The following ZFYVE28 variants were observed in gnomAD, a reference collection of about 807,000 sequenced individuals.
ZFYVE28 encodes zinc finger FYVE-type containing 28, also known as lateral signaling target protein 2 homolog.
A neutral mutation model predicts 82.1 loss-of-function variants in ZFYVE28; 40 were observed. The observed-to-expected ratio is 0.49, with a 90% CI of 0.38 to 0.63. The LOEUF is 0.63. Ranked by LOEUF, ZFYVE28 falls within the 30% of genes least tolerant of loss-of-function variation. ZFYVE28 has a pLI of 0.00. For synonymous variants in ZFYVE28, 612 were observed against 546.1 expected (o/e 1.12, Z -1.68); for missense variants, 1,321 against 1,242.1 (o/e 1.06, Z -0.96).
chr4:2,364,851 A>G, intron 1 of ZFYVE28: 1 of 985,486 alleles, frequency 1.0e-6, no homozygotes, highest in East Asian at 1.1e-4. Flanking sequence ...TAAAACCCCC[A>G]CGTCGCCGCG....
rs539042886 is a variant in ZFYVE28 at position 2,359,807 on chromosome 4, G to A, written c.40-5734C>T. Among the ~76,000 whole-genome samples, 276 of 152,280 alleles carry A rather than the reference G, an allele frequency of 1.8e-3. 1 individual carries two copies. The highest frequency in any genetic ancestry group is 2.9e-3 in the Admixed American group (44 of 15,302). ...CTGCAGTGCCATGCAGGAGGGCCTG[G>A]GAGCCCTGACATCCACTTAGCAAAC... On this transcript the variant is annotated intron_variant, in intron 1 of 12. Transcript: ENST00000290974.
intron 8 of ZFYVE28, among the ~76,000 whole-genome samples, chr4:2,277,349 G>A (rs542946888): frequency 1.1e-4 from 17 of 152,258 alleles, no homozygotes; most frequent in African/African-American, 1.7e-4. Context: ...GCGTGGCGGC[G>A]TGTGCCTGTA....
At chr4:2,272,212 T>C (rs1324074726) in intron 10 of ZFYVE28, among the ~76,000 whole-genome samples, 1 of 152,188 alleles carries the variant, frequency 6.6e-6, no homozygotes, top group Admixed American at 6.5e-5. Context: ...CAGAGCTGGG[T>C]CGGCACATGG....
chr4:2,327,726 T>C (rs996341420), intron 6 of ZFYVE28, among the ~76,000 whole-genome samples: 1 of 152,218 alleles, frequency 6.6e-6, no homozygotes, highest in Admixed American at 6.5e-5. Context: ...ATTAATGTGA[T>C]GTATCACAAT....
chr4:2,307,100 T>C (rs1272841521), intron 7 of ZFYVE28: 2 of 152,190 alleles, frequency 1.3e-5, no homozygotes, highest in African/African-American at 2.4e-5. Flanking sequence ...TCCTTCCTGG[T>C]GAGTGAGTAA....
intron 1 of ZFYVE28, among the ~76,000 whole-genome samples, chr4:2,405,135 G>C (rs1006703767): frequency 2.0e-5 from 3 of 152,198 alleles, no homozygotes; most frequent in African/African-American, 7.2e-5. Context: ...CATATCCTTG[G>C]ATAGTTCCAA....
chr4:2,347,801 C>T lies in ZFYVE28; in HGVS notation c.180+6132G>A, dbSNP rs78729193. Among the ~76,000 whole-genome samples, 959 of 152,058 alleles carry T rather than the reference C, an allele frequency of 6.3e-3. 7 individuals carry two copies. The highest frequency in any genetic ancestry group is 0.021 in the African/African-American group (879 of 41,498). ...CAGAGAAATTTAAACCACTAAATAC[C>T]TAAATTAGAAAAGAAGAAAGGCATT... On this transcript the variant is annotated intron_variant, in intron 2 of 12. Coordinates refer to ENST00000290974, the MANE Select transcript of ZFYVE28 (RefSeq NM_020972.3).
chr4:2,398,986 GCGAGA>G (rs1730816308), intron 1 of ZFYVE28, among the ~76,000 whole-genome samples: 1 of 149,190 alleles, frequency 6.7e-6, no homozygotes, highest in Admixed American at 6.7e-5. Context: ...AAGGTCAGTG[GCGAGA>G]TTGAGGGCAC....
At chr4:2,400,708 G>A (rs1731081776) in intron 1 of ZFYVE28, among the ~76,000 whole-genome samples, 1 of 152,138 alleles carries the variant, frequency 6.6e-6, no homozygotes, top group Non-Finnish European at 1.5e-5. Flanking sequence ...ATCCAGCACA[G>A]GAGAAAGCTG....
intron 8 of ZFYVE28, among the ~76,000 whole-genome samples, chr4:2,284,673 G>T (rs1712459597): frequency 6.6e-6 from 1 of 152,158 alleles, no homozygotes; most frequent in African/African-American, 2.4e-5. Context: ...TCCTCTTATG[G>T]TGCCTCACAA....
At chr4:2,292,447 T>C (rs1430717020) in intron 8 of ZFYVE28, among the ~76,000 whole-genome samples, 1 of 152,082 alleles carries the variant, frequency 6.6e-6, no homozygotes. Context: ...GGTCCCCTGG[T>C]TTGGCATGGA....
chr4:2,284,409 GGGA>G (rs1429367676), intron 8 of ZFYVE28, among the ~76,000 whole-genome samples: 7 of 152,186 alleles, frequency 4.6e-5, no homozygotes, highest in African/African-American at 1.4e-4. Flanking sequence ...GACCATGATG[GGGA>G]GGAGGAGAGC....
intron 1 of ZFYVE28, among the ~76,000 whole-genome samples, chr4:2,406,246 C>T (rs1731900854): frequency 6.6e-6 from 1 of 151,654 alleles, no homozygotes; most frequent in Non-Finnish European, 1.5e-5. Context: ...GTGGTGCACA[C>T]CTGTAATCCC....
At chr4:2,309,600 A>T (rs1560183783) in intron 7 of ZFYVE28, among the ~76,000 whole-genome samples, 2 of 151,844 alleles carry the variant, frequency 1.3e-5, no homozygotes, top group African/African-American at 4.8e-5. Context: ...TTAGTCCTTC[A>T]TTTCCAATGC....
chr4:2,385,741 A>T (rs2108919107), intron 1 of ZFYVE28, among the ~76,000 whole-genome samples: 1 of 152,272 alleles, frequency 6.6e-6, no homozygotes, highest in Admixed American at 6.5e-5. Context: ...AAACAAAAAA[A>T]ACAAAAAACA....
chr4:2,277,014 A>C (rs906166857), intron 8 of ZFYVE28, among the ~76,000 whole-genome samples: 1 of 152,188 alleles, frequency 6.6e-6, no homozygotes, highest in Admixed American at 6.5e-5. Context: ...GAATTGGGGC[A>C]GGGAGAGAGC....
At chr4:2,374,474 G>C (rs1578302116) in intron 1 of ZFYVE28, among the ~76,000 whole-genome samples, 4 of 152,098 alleles carry the variant, frequency 2.6e-5, no homozygotes, top group African/African-American at 9.7e-5. Flanking sequence ...TTAGCTGGAT[G>C]TAATAATGCA....
intron 1 of ZFYVE28, among the ~76,000 whole-genome samples, chr4:2,387,648 G>A (rs116262451): frequency 0.012 from 1,804 of 152,282 alleles, 35 homozygotes; most frequent in African/African-American, 0.042. Flanking sequence ...AGGGATGCTT[G>A]GGTGGGGAGG....
rs759372605 is a variant in ZFYVE28 at position 2,408,541 on chromosome 4, C to T, written c.39+9744G>A. Among the ~76,000 whole-genome samples the T allele has an allele frequency of 2.2e-4, 33 of 152,230 alleles. No individual in the cohort carries two copies. Among genetic ancestry groups the T allele is most frequent in the Admixed American group, 2.2e-3 (33 of 15,286 alleles). ...GGTGGACCAAAGGCCGCAGATGGTT[C>T]AGCTGGCTGACCCTTCCCAACTGAA... On this transcript the variant is annotated intron_variant, in intron 1 of 12. Coordinates refer to ENST00000290974, the MANE Select transcript of ZFYVE28 (RefSeq NM_020972.3). The surrounding 1 kb of genome is among the most constrained non-coding windows in gnomAD (Gnocchi z 4.3).
Sources: allele counts gnomAD v4.1 joint callset (sites outside exome capture counted in the v4.1 genomes callset), GRCh38; gene constraint gnomAD v4.1.1; non-coding constraint Gnocchi (gnomAD v3.1); transcripts MANE v1.5; gene names NCBI Gene and HGNC (gene_info 2026-07-23, HGNC 2026-07-21).